TENM2: variants seen among roughly 807,000 people sequenced by gnomAD.
The protein encoded by TENM2 is teneurin-2.
Under a neutral mutation model 245.2 loss-of-function variants are expected in TENM2, and 52 were observed. The observed-to-expected ratio is 0.21, with a 90% CI of 0.17 to 0.27. The LOEUF is 0.27. Among genes scored for constraint, TENM2 ranks in the 10% least tolerant of loss-of-function variants. The pLI is 1.00. For synonymous variants in TENM2, 1,363 were observed against 1,438.9 expected (o/e 0.95, Z 1.19); for missense variants, 3,046 against 3,666.8 (o/e 0.83, Z 4.37).
intron 1 of TENM2, among the ~76,000 whole-genome samples, chr5:167,337,860 C>T (rs1757872495): frequency 6.6e-6 from 1 of 152,074 alleles, no homozygotes; most frequent in African/African-American, 2.4e-5. Context: ...ATTCCAATCT[C>T]AATATGTGTT....
At chr5:167,277,833 T>C in the TENM2 span, among the ~76,000 whole-genome samples, 1 of 152,226 alleles carries the variant, frequency 6.6e-6, no homozygotes, top group East Asian at 1.9e-4. Flanking sequence ...CCATGTCCTC[T>C]TGGAAGATTT....
At chr5:167,035,460 G>A in the TENM2 span, among the ~76,000 whole-genome samples, 1 of 152,182 alleles carries the variant, frequency 6.6e-6, no homozygotes. Flanking sequence ...CAGATTATTT[G>A]ATGTTAGCCA....
At chr5:167,410,268 A>G (rs1762838819) in intron 2 of TENM2, among the ~76,000 whole-genome samples, 1 of 152,062 alleles carries the variant, frequency 6.6e-6, no homozygotes, top group Non-Finnish European at 1.5e-5. Context: ...ACTTGTTGAG[A>G]CAGATGGCCT....
the TENM2 span, among the ~76,000 whole-genome samples, chr5:167,278,670 T>C: frequency 6.6e-6 from 1 of 152,274 alleles, no homozygotes; most frequent in Non-Finnish European, 1.5e-5. Context: ...ATTTTACTAG[T>C]TTGAATAAAG....
At chr5:167,791,211 T>G (rs544906227) in intron 2 of TENM2, among the ~76,000 whole-genome samples, 150 of 152,040 alleles carry the variant, frequency 9.9e-4, no homozygotes, top group Non-Finnish European at 1.8e-3. Context: ...ATATTTCAGT[T>G]TTTTGTATAC....
chr5:167,043,203 C>T, the TENM2 span, among the ~76,000 whole-genome samples: 1 of 152,204 alleles, frequency 6.6e-6, no homozygotes, highest in South Asian at 2.1e-4. Context: ...GAAGCACCTA[C>T]TGCGTGGTAA....
At chr5:167,870,577 G>GTGTGTA (rs1554135302) in intron 2 of TENM2, among the ~76,000 whole-genome samples, 9 of 136,150 alleles carry the variant, frequency 6.6e-5, no homozygotes, top group Non-Finnish European at 1.1e-4. Context: ...ATATGTGTGT[G>GTGTGTA]TATATATATA....
chr5:168,231,327 A>C (rs983128551), intron 25 of TENM2, among the ~76,000 whole-genome samples: 5 of 152,242 alleles, frequency 3.3e-5, no homozygotes, highest in African/African-American at 9.6e-5. Flanking sequence ...ATTTCTGTAG[A>C]GTAGTAAGAA....
In TENM2 at chr5:168,245,725, A is replaced by G. The variant is rs373625588; in HGVS notation, c.5817+1009A>G. Among the ~76,000 whole-genome samples, 20 of 152,040 alleles carry G rather than the reference A, an allele frequency of 1.3e-4. 1 individual carries two copies. In the South Asian group the frequency reaches 2.9e-3, roughly 22 times the overall value. On this transcript the variant is annotated intron_variant, in intron 26 of 28. Transcript: ENST00000518659. ...CCATTCCTTCCTTTCTCACCAACTC[A>G]TTACAGCGGTGACTTGCAGACAAAG...
intron 2 of TENM2, among the ~76,000 whole-genome samples, chr5:167,602,927 T>C (rs1368921306): frequency 1.3e-5 from 2 of 152,182 alleles, no homozygotes; most frequent in Non-Finnish European, 2.9e-5. Flanking sequence ...GAAAGTTCTC[T>C]TAAAAACAGG....
intron 2 of TENM2, among the ~76,000 whole-genome samples, chr5:167,872,325 A>AG (rs1772920450): frequency 2.9e-5 from 2 of 69,222 alleles, no homozygotes; most frequent in Non-Finnish European, 8.3e-5. Context: ...AAAGAAAGAA[A>AG]GAAAGAAAGA....
the TENM2 span, among the ~76,000 whole-genome samples, chr5:167,095,435 A>T: frequency 7.9e-5 from 12 of 152,248 alleles, no homozygotes; most frequent in Non-Finnish European, 1.5e-5. Flanking sequence ...GAGGGACTTG[A>T]GGTGACAACG....
chr5:168,132,498 G>C (rs905001508), intron 12 of TENM2, among the ~76,000 whole-genome samples: 3 of 152,232 alleles, frequency 2.0e-5, no homozygotes, highest in African/African-American at 7.2e-5. Flanking sequence ...ACAGTGATTT[G>C]TGTCGTACTC....
At chr5:167,531,483 C>CT (rs998346067) in intron 2 of TENM2, among the ~76,000 whole-genome samples, 192 of 145,622 alleles carry the variant, frequency 1.3e-3, no homozygotes, top group Middle Eastern at 3.6e-3. Context: ...TCACACTTAT[C>CT]TTTTTTTTTT....
intron 3 of TENM2, among the ~76,000 whole-genome samples, chr5:167,891,507 G>A (rs757529874): frequency 1.3e-5 from 2 of 152,204 alleles, no homozygotes; most frequent in Non-Finnish European, 2.9e-5. Context: ...GGTCAGGTGA[G>A]TTTTAGGGAT....
chr5:168,136,230 G>A (rs1755033436), intron 12 of TENM2, among the ~76,000 whole-genome samples: 1 of 152,100 alleles, frequency 6.6e-6, no homozygotes, highest in African/African-American at 2.4e-5. Context: ...TAAGCCCTAC[G>A]AGTGTGTCCC....
intron 2 of TENM2, among the ~76,000 whole-genome samples, chr5:167,853,295 A>G (rs1770766176): frequency 7.1e-6 from 1 of 139,894 alleles, no homozygotes; most frequent in Non-Finnish European, 1.5e-5. Flanking sequence ...GTCTCAAAAA[A>G]AAAAAAAAAA....
At chr5:167,271,083 CAG>C in the TENM2 span, among the ~76,000 whole-genome samples, 1 of 152,050 alleles carries the variant, frequency 6.6e-6, no homozygotes, top group Non-Finnish European at 1.5e-5. Flanking sequence ...ATCTCATTTA[CAG>C]AGAGGGGCAC....
the TENM2 span, among the ~76,000 whole-genome samples, chr5:167,085,218 G>C: frequency 2.0e-5 from 3 of 152,108 alleles, no homozygotes; most frequent in African/African-American, 7.2e-5. Context: ...AAAATCAAAG[G>C]GGAGGAGTTT....
Sources: gnomAD v4.1 joint callset for allele counts (sites outside exome capture counted in the v4.1 genomes callset) on GRCh38, gnomAD v4.1.1 for gene constraint, MANE v1.5 for transcripts, NCBI Gene and HGNC (gene_info 2026-07-23, HGNC 2026-07-21) for gene names.